DGCR2: variants seen among roughly 807,000 people sequenced by gnomAD.
DGCR2 encodes the protein integral membrane protein DGCR2/IDD.
In DGCR2, 24 loss-of-function variants were observed where a neutral mutation model predicts 51.6. The observed-to-expected ratio is 0.47, with a 90% confidence interval of 0.34 to 0.65. DGCR2 has a LOEUF of 0.65. Among genes scored for constraint, DGCR2 ranks in the 30% least tolerant of loss-of-function variants. The probability of loss-of-function intolerance (pLI) is 0.01; values close to 1 mark genes in which losing one functional copy is unlikely to be tolerated. For synonymous variants in DGCR2, 340 were observed against 315.4 expected, an observed-to-expected ratio of 1.08 and a Z score of -0.82; for missense variants, 765 against 772.1, an observed-to-expected ratio of 0.99 and a Z score of 0.11.
intron 6 of DGCR2, among the ~76,000 whole-genome samples, chr22:19,051,828 A>C (rs926074520): frequency 6.6e-6 from 1 of 152,250 alleles, no homozygotes; most frequent in Non-Finnish European, 1.5e-5. Context: ...AAGAGGTTTT[A>C]ACATCAGTAG....
At chr22:19,088,622 C>T (rs1371396255) in intron 2 of DGCR2, among the ~76,000 whole-genome samples, 1 of 152,194 alleles carries the variant, frequency 6.6e-6, no homozygotes, top group Non-Finnish European at 1.5e-5. Flanking sequence ...TGGGGTAAGA[C>T]ACACTTTCCC....
intron 1 of DGCR2, among the ~76,000 whole-genome samples, chr22:19,096,010 G>C (rs1332119963): frequency 6.6e-6 from 1 of 152,092 alleles, no homozygotes; most frequent in African/African-American, 2.4e-5. Context: ...CCCATGACTG[G>C]TACTGAAGCA....
chr22:19,062,450 T>C (rs1261245450), intron 5 of DGCR2, among the ~76,000 whole-genome samples: 1 of 152,188 alleles, frequency 6.6e-6, no homozygotes, highest in Non-Finnish European at 1.5e-5. Flanking sequence ...TTTATCCTTC[T>C]TAGAGATACT....
intron 6 of DGCR2, among the ~76,000 whole-genome samples, chr22:19,049,266 G>T (rs1199252697): frequency 6.6e-6 from 1 of 151,990 alleles, no homozygotes; most frequent in African/African-American, 2.4e-5. Context: ...GCAGTCCACT[G>T]GACCTGAGGC....
chr22:19,046,853 T>A, intron 7 of DGCR2: 1 of 299,770 alleles, frequency 3.3e-6, no homozygotes, highest in Non-Finnish European at 7.2e-6. Context: ...GGCAGGCTCT[T>A]TAGGCCATAC....
rs1416622635 is a variant in DGCR2 at position 19,115,122 on chromosome 22, C to T, written c.79+7006G>A. Among the ~76,000 whole-genome samples, 9 of 152,192 alleles carry T rather than the reference C, an allele frequency of 5.9e-5. No individual in the cohort carries two copies. In the East Asian group the frequency reaches 1.3e-3, roughly 23 times the overall value. ...AGGCAAGCATGTGCAGCCCATGCAG[C>T]CCATGCACCCAGCCAGCTCTTGACC... is the stretch of plus-strand genomic sequence containing the variant. On this transcript the variant is annotated intron_variant, in intron 1 of 9. Transcript: ENST00000263196.
intron 2 of DGCR2, among the ~76,000 whole-genome samples, chr22:19,076,461 G>T (rs970046576): frequency 2.6e-5 from 4 of 151,772 alleles, no homozygotes; most frequent in African/African-American, 7.3e-5. Context: ...CACCGCGCCC[G>T]GCAGGTAATT....
chr22:19,093,124 C>T (rs573243342), intron 1 of DGCR2, among the ~76,000 whole-genome samples: 13 of 151,954 alleles, frequency 8.6e-5, no homozygotes, highest in Non-Finnish European at 1.8e-4. Context: ...ACTTTCGGAG[C>T]CTGAGGCGGG....
Position 19,038,975 on chromosome 22 carries a change from T to C in DGCR2, c.1543A>G (p.Ser515Gly). ...GGGTCAGGGGGCACGAGCAGGGCGC[T>C]GCTGCTGTCGGCAGAGTCTTCCAGG... Reference protein sequence around the residue: ...ADLEDSADSSSALLVPPDPAQ... With the variant: ...ADLEDSADSSGALLVPPDPAQ... Residue 515 changes from serine (S) to glycine (G), a missense_variant, in exon 10 of 10, where the codon AGC becomes GGC. Physicochemically the swap from Ser to Gly is moderately conservative, Grantham distance 56. Around this residue, in one of 3 missense-constraint regions of DGCR2, gnomAD observed 205 missense variants for 181.4 expected, o/e 1.13. Transcript: ENST00000263196. 1 of 1,611,954 alleles carries C rather than the reference T, an allele frequency of 6.2e-7. No individual in the cohort carries two copies. Among genetic ancestry groups the C allele is most frequent in the Middle Eastern group, 1.7e-4 (1 of 6,028 alleles).
At chr22:19,082,933 T>C (rs2082957323) in intron 2 of DGCR2, among the ~76,000 whole-genome samples, 1 of 151,410 alleles carries the variant, frequency 6.6e-6, no homozygotes, top group Admixed American at 6.6e-5. Flanking sequence ...TACGAAAACA[T>C]GCAATTAGCC....
At chr22:19,096,547 C>T (rs2083141731) in intron 1 of DGCR2, among the ~76,000 whole-genome samples, 1 of 151,514 alleles carries the variant, frequency 6.6e-6, no homozygotes, top group Non-Finnish European at 1.5e-5. Context: ...ATGCTTGTAT[C>T]AAAATATCAT....
intron 2 of DGCR2, among the ~76,000 whole-genome samples, chr22:19,081,127 AG>A (rs973801287): frequency 6.6e-6 from 1 of 152,222 alleles, no homozygotes; most frequent in African/African-American, 2.4e-5. Context: ...TTCTTTGGAA[AG>A]GAAAAAAGCT....
At chr22:19,080,957 T>C (rs1264954861) in intron 2 of DGCR2, among the ~76,000 whole-genome samples, 1 of 152,180 alleles carries the variant, frequency 6.6e-6, no homozygotes, top group Admixed American at 6.5e-5. Flanking sequence ...CCCATGCCTA[T>C]GCCTGATGCC....
intron 5 of DGCR2, among the ~76,000 whole-genome samples, chr22:19,058,696 A>G (rs1434656454): frequency 1.3e-5 from 2 of 152,238 alleles, no homozygotes; most frequent in Non-Finnish European, 2.9e-5. Flanking sequence ...GCCCACAACT[A>G]CAGTACATGA....
chr22:19,066,165 C>T (rs377069692), intron 3 of DGCR2, among the ~76,000 whole-genome samples: 2 of 152,232 alleles, frequency 1.3e-5, no homozygotes, highest in African/African-American at 4.8e-5. Context: ...TTTGGGAGGC[C>T]GAGGTGGGCA....
chr22:19,091,843 G>A (rs1281164944), intron 1 of DGCR2, among the ~76,000 whole-genome samples: 1 of 152,034 alleles, frequency 6.6e-6, no homozygotes, highest in Non-Finnish European at 1.5e-5. Context: ...GGGAGGCTGA[G>A]GCAGGAGAAT....
chr22:19,065,103 G>C, intron 3 of DGCR2, 36 bp from the exon 4 acceptor site: 1 of 1,587,268 alleles, frequency 6.3e-7, no homozygotes, highest in Non-Finnish European at 8.6e-7. Flanking sequence ...CCCAAGTTAG[G>C]ATCCAGCTCC....
chr22:19,109,968 A>G (rs966960945), intron 1 of DGCR2, among the ~76,000 whole-genome samples: 2 of 152,268 alleles, frequency 1.3e-5, no homozygotes, highest in African/African-American at 4.8e-5. Flanking sequence ...ATGGGCAGGC[A>G]GTTCTGCCCA....
At position 19,108,569 on chromosome 22, in the gene DGCR2, TAAAAAAAAAAAAAA is replaced by T. The variant is rs55803042; in HGVS notation, c.79+13545_79+13558del. On this transcript the variant is annotated intron_variant, in intron 1 of 9. Transcript: ENST00000263196. ...CAGCCTGGGCAACAGAGAATTTATC[TAAAAAAAAAAAAAA>T]AAAAAAAAAAAAAAAAAAAAAGATG... Among the ~76,000 whole-genome samples, 788 of 90,764 alleles carry T rather than the reference TAAAAAAAAAAAAAA, an allele frequency of 8.7e-3. 6 individuals carry two copies. Among genetic ancestry groups the T allele is most frequent in the Non-Finnish European group, 0.013 (579 of 43,294 alleles). 59.5% of individuals were successfully genotyped at this position (90,764 alleles called of 152,430 possible). A position where few individuals can be genotyped will look rare whatever the true frequency, so the allele number is the denominator to read the frequency against.
Sources: gnomAD v4.1 joint callset for allele counts (sites outside exome capture counted in the v4.1 genomes callset) on GRCh38, gnomAD v4.1.1 for gene constraint, gnomAD v4.1.1 regional missense constraint, MANE v1.5 for transcripts, NCBI Gene and HGNC (gene_info 2026-07-23, HGNC 2026-07-21) for gene names.